Variants in ZBTB20 observed in about 807,000 individuals in gnomAD.
ZBTB20 encodes zinc finger and BTB domain-containing protein 20.
ZBTB20 carries 9 observed loss-of-function variants against 56.9 expected under a neutral mutation model. The ratio of observed to expected loss-of-function variants is 0.16; its 90% CI spans 0.10 to 0.28. The LOEUF (loss-of-function observed/expected upper bound fraction) is 0.28. Ranked by LOEUF, ZBTB20 falls within the 10% of genes least tolerant of loss-of-function variation. The pLI, the probability that ZBTB20 is intolerant of heterozygous loss-of-function variation, is 1.00. For missense variants in ZBTB20, 655 were observed against 1,003.0 expected (o/e 0.65, Z 4.69); for synonymous variants, 417 against 420.7 (o/e 0.99, Z 0.11).
intron 5 of ZBTB20, among the ~76,000 whole-genome samples, chr3:114,767,301 A>G (rs2068854193): frequency 6.6e-6 from 1 of 152,080 alleles, no homozygotes; most frequent in East Asian, 1.9e-4. Flanking sequence ...TATTACAGAA[A>G]TAACTTCTGC....
At chr3:114,978,412 CAAATT>C (rs1254817261) in intron 2 of ZBTB20, among the ~76,000 whole-genome samples, 1 of 150,332 alleles carries the variant, frequency 6.7e-6, no homozygotes, top group African/African-American at 2.4e-5. Flanking sequence ...GAAAGAAATG[CAAATT>C]AAATAAACTA....
At chr3:114,909,539 ACATT>A (rs2075446758) in intron 3 of ZBTB20, among the ~76,000 whole-genome samples, 2 of 152,064 alleles carry the variant, frequency 1.3e-5, no homozygotes, top group Admixed American at 6.6e-5. Flanking sequence ...CTAGGCCTTC[ACATT>A]CATTAACCAC....
chr3:115,135,260 G>C (rs2084623166), intron 1 of ZBTB20, among the ~76,000 whole-genome samples: 1 of 152,150 alleles, frequency 6.6e-6, no homozygotes, highest in Non-Finnish European at 1.5e-5. Context: ...CTTGGAATTG[G>C]AAGTGAAGAA....
At chr3:114,668,585 T>C (rs2061185569) in intron 6 of ZBTB20, among the ~76,000 whole-genome samples, 1 of 152,006 alleles carries the variant, frequency 6.6e-6, no homozygotes, top group African/African-American at 2.4e-5. Flanking sequence ...AATTTACCTG[T>C]TGGTTTTAGT....
chr3:114,699,637 G>A (rs2063272561), intron 5 of ZBTB20, among the ~76,000 whole-genome samples: 1 of 152,106 alleles, frequency 6.6e-6, no homozygotes, highest in South Asian at 2.1e-4. Context: ...TGTTAATTCT[G>A]TAGGACTGAG....
At chr3:114,939,426 G>A (rs1018584526) in intron 3 of ZBTB20, among the ~76,000 whole-genome samples, 5 of 146,058 alleles carry the variant, frequency 3.4e-5, no homozygotes, top group African/African-American at 1.4e-4. Flanking sequence ...ATAAAATATG[G>A]TATAACTTTT....
intron 7 of ZBTB20, among the ~76,000 whole-genome samples, chr3:114,445,355 T>A (rs951410378): frequency 4.6e-5 from 7 of 152,180 alleles, no homozygotes; most frequent in Non-Finnish European, 7.4e-5. Context: ...ATAGCTCCCA[T>A]AACTTTAATC....
chr3:114,379,791 T>C (rs549458801), intron 10 of ZBTB20, among the ~76,000 whole-genome samples: 21 of 152,316 alleles, frequency 1.4e-4, no homozygotes, highest in African/African-American at 4.3e-4. Flanking sequence ...GAGACTCCAA[T>C]AACTAATGCA....
intron 5 of ZBTB20, among the ~76,000 whole-genome samples, chr3:114,740,833 T>A (rs2066516936): frequency 6.6e-6 from 1 of 152,230 alleles, no homozygotes; most frequent in East Asian, 1.9e-4. Context: ...TCTGAATGAA[T>A]ATTTCCATTG....
chr3:114,346,210 G>C (rs911158208), intron 11 of ZBTB20, among the ~76,000 whole-genome samples: 3 of 152,200 alleles, frequency 2.0e-5, no homozygotes, highest in Non-Finnish European at 4.4e-5. Context: ...GTATAAAGGA[G>C]TTTCAGAGTT....
At chr3:114,672,234 C>T (rs1014304104) in intron 6 of ZBTB20, among the ~76,000 whole-genome samples, 1 of 151,938 alleles carries the variant, frequency 6.6e-6, no homozygotes, top group African/African-American at 2.4e-5. Flanking sequence ...AGTAAGAATG[C>T]TTCAAATAAA....
chr3:115,090,490 T>G (rs2083149536), intron 1 of ZBTB20, among the ~76,000 whole-genome samples: 1 of 151,794 alleles, frequency 6.6e-6, no homozygotes, highest in Non-Finnish European at 1.5e-5. Flanking sequence ...TTATCATTAT[T>G]ATTACAGGTT....
rs1234687511 is a variant in ZBTB20, at chr3:114,317,680, T to TATCA, written c.*21321_*21324dup. 6.6e-6 allele frequency: 1 copy of TATCA among 152,204 alleles called. No individual in the cohort carries two copies. Among genetic ancestry groups the TATCA allele is most frequent in the Non-Finnish European group, 1.5e-5 (1 of 68,034 alleles). The allele number at this position is 152,204 out of a possible 1,614,324, so 9.4% of individuals were successfully genotyped here. A position where few individuals can be genotyped will look rare whatever the true frequency, so the allele number is the denominator to read the frequency against. On this transcript the variant is annotated 3_prime_UTR_variant, in exon 12 of 12. Coordinates refer to ENST00000675478, the MANE Select transcript of ZBTB20 (RefSeq NM_001348800.3). ...CTTCCACTAACACATCAACCTCCCCTATCACTTTTTAAAAAAATTGTAAAG... is the reference window on the plus strand; with the variant it reads ...CTTCCACTAACACATCAACCTCCCCTATCAATCACTTTTTAAAAAAATTGTAAAG...
rs1190697899 is a variant in ZBTB20 at position 114,327,104 on chromosome 3, C to T, written c.*11901G>A. On this transcript the variant is annotated 3_prime_UTR_variant, in exon 12 of 12. Transcript: ENST00000675478. The stretch of plus-strand genomic sequence containing the variant: ...CTGTTAGGGCTATTGATGCTCCTGA[C>T]AGGTGTCAGCTTGGAAAGACAGGAG... The T allele has an allele frequency of 6.6e-6, 1 of 152,082 alleles. No individual in the cohort carries two copies. Among genetic ancestry groups the T allele is most frequent in the Non-Finnish European group, 1.5e-5 (1 of 68,014 alleles). 9.4% of individuals were successfully genotyped at this position (152,082 alleles called of 1,614,324 possible). A position where few individuals can be genotyped will look rare whatever the true frequency, so the allele number is the denominator to read the frequency against.
At chr3:114,708,466 G>A (rs1448299872) in intron 5 of ZBTB20, among the ~76,000 whole-genome samples, 1 of 127,808 alleles carries the variant, frequency 7.8e-6, no homozygotes, top group Non-Finnish European at 1.7e-5. Context: ...TGTATCTAAA[G>A]GAATTACTCA....
At chr3:115,057,078 T>G (rs1314883643) in intron 2 of ZBTB20, among the ~76,000 whole-genome samples, 1 of 152,026 alleles carries the variant, frequency 6.6e-6, no homozygotes, top group Non-Finnish European at 1.5e-5. Context: ...TATTATAGAG[T>G]CAAAACAGTT....
At chr3:115,105,832 G>A (rs1262417386) in intron 1 of ZBTB20, among the ~76,000 whole-genome samples, 1 of 152,106 alleles carries the variant, frequency 6.6e-6, no homozygotes, top group African/African-American at 2.4e-5. Context: ...TTGTTTGTTT[G>A]TTTGTTTTTT....
intron 5 of ZBTB20, among the ~76,000 whole-genome samples, chr3:114,725,032 T>C (rs2065170857): frequency 6.6e-6 from 1 of 152,178 alleles, no homozygotes; most frequent in Admixed American, 6.5e-5. Flanking sequence ...ACCATCCAGG[T>C]GATTCTGACT....
chr3:114,391,291 T>G (rs1266208060), intron 7 of ZBTB20, among the ~76,000 whole-genome samples: 4 of 152,228 alleles, frequency 2.6e-5, no homozygotes, highest in Admixed American at 2.0e-4. Flanking sequence ...CAGTTTGGTA[T>G]TCAAAGCTGC....
Sources: gnomAD v4.1 joint callset for allele counts (sites outside exome capture counted in the v4.1 genomes callset) on GRCh38, gnomAD v4.1.1 for gene constraint, MANE v1.5 for transcripts, NCBI Gene and HGNC (gene_info 2026-07-23, HGNC 2026-07-21) for gene names.